Variants in VEZT observed in about 807,000 individuals in gnomAD.
VEZT encodes the protein vezatin, adherens junctions transmembrane protein.
A neutral mutation model predicts 79.9 loss-of-function variants in VEZT; 39 were observed. The observed-to-expected ratio is 0.49, with a 90% CI of 0.38 to 0.64. VEZT has a LOEUF of 0.64. VEZT is among the 30% of genes least tolerant of loss of function. The pLI, the probability that VEZT is intolerant of heterozygous loss-of-function variation, is 0.00. For missense variants in VEZT, 837 were observed against 893.1 expected, an observed-to-expected ratio of 0.94 and a Z score of 0.80; for synonymous variants, 325 against 327.6, an observed-to-expected ratio of 0.99 and a Z score of 0.09.
intron 8 of VEZT, among the ~76,000 whole-genome samples, chr12:95,287,338 G>A (rs79212333): frequency 0.11 from 17,181 of 150,390 alleles, 1,272 homozygotes; most frequent in East Asian, 0.17. Context: ...TCTTTTAATT[G>A]AGATGGGATT....
chr12:95,244,158 C>T lies in VEZT; in HGVS notation c.37-7782C>T, dbSNP rs554911601. ...CACCTATAATCCCAGTGCTTTGGGC[C>T]GAGGTGGGAGGATCACATGAGCCCA... On this transcript the variant is annotated intron_variant, in intron 1 of 11. Coordinates refer to ENST00000436874, the MANE Select transcript of VEZT (RefSeq NM_017599.4). The T allele has an allele frequency of 6.7e-4, 229 of 340,800 alleles. 1 individual carries two copies. The highest frequency in any genetic ancestry group is 4.6e-3 in the African/African-American group (215 of 46,296). The allele number at this position is 340,800 out of a possible 1,614,324, so 21.1% of individuals were successfully genotyped here.
rs140299503 is a variant in VEZT at position 95,237,410 on chromosome 12, A to G, written c.37-14530A>G. ...GGGGAGATGGGTGGAAAAGAAATCA[A>G]CCAACCAGATAGGAACTACACTGGA... On this transcript the variant is annotated intron_variant, in intron 1 of 11. Transcript: ENST00000436874. Among the ~76,000 whole-genome samples the G allele has an allele frequency of 5.7e-3, 871 of 152,308 alleles. 11 individuals are homozygous for G. Among genetic ancestry groups the G allele is most frequent in the African/African-American group, 0.02 (823 of 41,554 alleles).
Position 95,268,798 on chromosome 12 carries a change from TAA to T in VEZT, c.711-1252_711-1251del, listed in dbSNP as rs1440627106. 2.0e-5 allele frequency among the ~76,000 whole-genome samples: 3 copies of T among 152,208 alleles called. No individual in the cohort carries two copies. In the East Asian group the frequency reaches 5.8e-4, roughly 29 times the overall value. ...GGATAATGGGTTGAAAAATGAATAA[TAA>T]GTCTTGAATCATAATTTTTTAGACA... is the stretch of plus-strand genomic sequence containing the variant. On this transcript the variant is annotated intron_variant, in intron 5 of 11. Coordinates refer to ENST00000436874, the MANE Select transcript of VEZT (RefSeq NM_017599.4).
intron 1 of VEZT, among the ~76,000 whole-genome samples, chr12:95,246,248 G>T (rs1368332363): frequency 1.3e-5 from 2 of 151,870 alleles, no homozygotes; most frequent in Non-Finnish European, 2.9e-5. Context: ...TCAGTCTCCC[G>T]AGTAGCTGAG....
intron 1 of VEZT, chr12:95,231,656 G>A (rs1024605913): frequency 1.3e-5 from 2 of 152,022 alleles, no homozygotes; most frequent in East Asian, 3.8e-4. Flanking sequence ...GCTTGAATTT[G>A]GGGCTTTGGT....
At chr12:95,254,223 C>T (rs558312320) in intron 2 of VEZT, among the ~76,000 whole-genome samples, 1 of 151,938 alleles carries the variant, frequency 6.6e-6, no homozygotes, top group Admixed American at 6.6e-5. Context: ...AAACTCCTGA[C>T]TTCAAGCAGT....
chr12:95,295,880 T>C (rs2074031131), intron 10 of VEZT, among the ~76,000 whole-genome samples, 171 bp from the exon 11 acceptor site: 1 of 152,276 alleles, frequency 6.6e-6, no homozygotes, highest in African/African-American at 2.4e-5. Flanking sequence ...GATTTCAATT[T>C]ATCCATAGGT....
At position 95,300,665 on chromosome 12, in the gene VEZT, G is replaced by A. The variant is rs1594319776; in HGVS notation, c.2332G>A (p.Glu778Lys). Reference protein sequence around the residue: ...IIEENKNEIEEK With the variant: ...IIEENKNEIEKK ...AGAAGAAAATAAAAATGAGATAGAA[G>A]AAAAGTAAGAACCAAGATTCATATG... The change falls in exon 12 of 12, where the codon GAA becomes AAA. Residue 778 changes from glutamate to lysine, a missense_variant. Coordinates refer to ENST00000436874, the MANE Select transcript of VEZT (RefSeq NM_017599.4). 2 of 1,579,372 alleles carry A rather than the reference G, an allele frequency of 1.3e-6. No homozygotes were observed. Among genetic ancestry groups the A allele is most frequent in the South Asian group, 2.3e-5 (2 of 86,750 alleles).
At chr12:95,289,446 A>G (rs1278188992) in intron 9 of VEZT, among the ~76,000 whole-genome samples, 1 of 149,958 alleles carries the variant, frequency 6.7e-6, no homozygotes, top group Admixed American at 6.6e-5. Context: ...AAAAAAAGAA[A>G]GATGCATCCC....
chr12:95,256,669 T>C (rs1456400432), intron 2 of VEZT: 11 of 1,049,258 alleles, frequency 1.0e-5, no homozygotes, highest in South Asian at 2.8e-5. Flanking sequence ...TTTTTATCAA[T>C]ATATGACAGT....
chr12:95,268,940 A>C (rs891301670), intron 5 of VEZT, among the ~76,000 whole-genome samples: 5 of 152,228 alleles, frequency 3.3e-5, no homozygotes, highest in African/African-American at 1.2e-4. Flanking sequence ...GTCCTCTCTC[A>C]CAAATAATTG....
intron 10 of VEZT, among the ~76,000 whole-genome samples, chr12:95,294,715 C>G (rs1242115968): frequency 6.6e-6 from 1 of 152,050 alleles, no homozygotes; most frequent in Non-Finnish European, 1.5e-5. Context: ...TATGATATAC[C>G]TCACTTTTAA....
chr12:95,284,367 ACTCTCAG>A (rs2070022093), intron 8 of VEZT, among the ~76,000 whole-genome samples: 1 of 151,110 alleles, frequency 6.6e-6, no homozygotes, highest in Non-Finnish European at 1.5e-5. Flanking sequence ...TGCTGTTCCC[ACTCTCAG>A]TGCCTCATGT....
At chr12:95,234,836 G>A (rs1265253852) in intron 1 of VEZT, among the ~76,000 whole-genome samples, 3 of 152,132 alleles carry the variant, frequency 2.0e-5, no homozygotes, top group Non-Finnish European at 1.5e-5. Flanking sequence ...CTGGGTGCTT[G>A]AGATTAGGGA....
chr12:95,302,414 C>T lies in VEZT; in HGVS notation c.*1741C>T, dbSNP rs1285364335. 1 of 152,090 alleles carries T rather than the reference C, an allele frequency of 6.6e-6. No homozygotes were observed. Among genetic ancestry groups the T allele is most frequent in the Non-Finnish European group, 1.5e-5 (1 of 67,992 alleles). 9.4% of individuals were successfully genotyped at this position (152,090 alleles called of 1,614,324 possible). On this transcript the variant is annotated 3_prime_UTR_variant, in exon 12 of 12. Transcript: ENST00000436874. ...ACTAAATAATTTTAATCGAGAATTTCCAGTCTTTCAGTCTGATCTATTTAA... is the reference window on the plus strand; with the variant it reads ...ACTAAATAATTTTAATCGAGAATTTTCAGTCTTTCAGTCTGATCTATTTAA...
chr12:95,286,838 T>C (rs1221137316), intron 8 of VEZT: 1 of 475,698 alleles, frequency 2.1e-6, no homozygotes, highest in Non-Finnish European at 4.2e-6. Context: ...TTGGAGGCCA[T>C]TTTTTATTGC....
At chr12:95,235,688 C>A (rs1250742524) in intron 1 of VEZT, among the ~76,000 whole-genome samples, 3 of 150,580 alleles carry the variant, frequency 2.0e-5, no homozygotes, top group African/African-American at 7.3e-5. Context: ...ACCTCCCTCC[C>A]GGACGGGGCG....
intron 10 of VEZT, among the ~76,000 whole-genome samples, chr12:95,295,568 G>A (rs901963003): frequency 2.6e-5 from 4 of 152,100 alleles, no homozygotes; most frequent in Non-Finnish European, 5.9e-5. Flanking sequence ...ATACTGCTTG[G>A]GTAAGCAAGC....
chr12:95,248,920 C>T (rs1461559684), intron 1 of VEZT, among the ~76,000 whole-genome samples: 2 of 151,916 alleles, frequency 1.3e-5, no homozygotes, highest in Non-Finnish European at 2.9e-5. Context: ...GATTTGCCAC[C>T]GTGACCCGTA....
Sources: gnomAD v4.1 joint callset for allele counts (sites outside exome capture counted in the v4.1 genomes callset) on GRCh38, gnomAD v4.1.1 for gene constraint, MANE v1.5 for transcripts, NCBI Gene and HGNC (gene_info 2026-07-23, HGNC 2026-07-21) for gene names.